CPLX2: variants seen among roughly 807,000 people sequenced by gnomAD.
The protein encoded by CPLX2 is complexin-2.
A neutral mutation model predicts 16.3 loss-of-function variants in CPLX2; 5 were observed. The ratio of observed to expected loss-of-function variants is 0.31; its 90% CI spans 0.16 to 0.64. The LOEUF (loss-of-function observed/expected upper bound fraction) is 0.64. CPLX2 is among the 30% of genes least tolerant of loss of function. The probability of loss-of-function intolerance (pLI) is 0.79; values close to 1 mark genes in which losing one functional copy is unlikely to be tolerated. For missense variants in CPLX2, 144 were observed against 181.4 expected (o/e 0.79, Z 1.18); for synonymous variants, 89 against 73.2 (o/e 1.22, Z -1.10).
chr5:175,870,725 G>A (rs1177340210), upstream of CPLX2, among the ~76,000 whole-genome samples: 1 of 152,240 alleles, frequency 6.6e-6, no homozygotes, highest in African/African-American at 2.4e-5. Flanking sequence ...CTTGGGCATA[G>A]GAGGAAAAGA....
Position 175,820,311 on chromosome 5 carries a change from A to T in CPLX2, c.-89+11243A>T, listed in dbSNP as rs565450889. On this transcript the variant is annotated intron_variant, in intron 2 of 4. Transcript: ENST00000359546. Reference sequence around the variant, plus strand: ...TGAGCCCTTAGTTTACTTGGCACACACTCATTCCTTCCCCCGACACTTCTG... The same window carrying T: ...TGAGCCCTTAGTTTACTTGGCACACTCTCATTCCTTCCCCCGACACTTCTG... 3.3e-5 allele frequency among the ~76,000 whole-genome samples: 5 copies of T among 152,126 alleles called. No individual in the cohort carries two copies. The South Asian group carries it at 1.0e-3, about 32-fold the overall frequency.
At chr5:175,871,401 AGAGAGAGAG>A (rs1304564108), upstream of CPLX2, 1 of 107,932 alleles carries the variant, frequency 9.3e-6, no homozygotes, top group East Asian at 3.5e-4. Context: ...AGGGAGAGAA[AGAGAGAGAG>A]GAGAGAGAGA....
intron 2 of CPLX2, among the ~76,000 whole-genome samples, chr5:175,856,798 G>A (rs899730153): frequency 1.3e-5 from 2 of 152,116 alleles, no homozygotes; most frequent in Admixed American, 6.6e-5. Flanking sequence ...GTGGGGGGTG[G>A]GGAGGACCAG....
chr5:175,817,828 C>G (rs181839953), intron 2 of CPLX2, among the ~76,000 whole-genome samples: 1 of 152,228 alleles, frequency 6.6e-6, no homozygotes, highest in African/African-American at 2.4e-5. Context: ...CAGAGAAACC[C>G]ATCACACATG....
rs1366414083 is a variant in CPLX2, at chr5:175,883,340, A to G, written c.*3295A>G. 6.6e-6 allele frequency: 1 copy of G among 152,318 alleles called. No individual in the cohort carries two copies. Among genetic ancestry groups the G allele is most frequent in the Non-Finnish European group, 1.5e-5 (1 of 68,130 alleles). 9.4% of individuals were successfully genotyped at this position (152,318 alleles called of 1,614,324 possible). A position where few individuals can be genotyped will look rare whatever the true frequency, so the allele number is the denominator to read the frequency against. ...CTCCCAGAAGGTGTCCTTAACTGCA[A>G]AGCTGTGCAGGGTACTCCTCCAGAT... On this transcript the variant is annotated 3_prime_UTR_variant, in exon 4 of 4. Coordinates refer to ENST00000393745, the MANE Select transcript of CPLX2 (RefSeq NM_001008220.2).
In CPLX2 at chr5:175,858,977, T is replaced by A. The variant is rs77510921; in HGVS notation, c.-88-19675T>A. On this transcript the variant is annotated intron_variant, in intron 2 of 4. Coordinates refer to the CPLX2 transcript ENST00000359546. ...GAAACCTTGGTGACACACAGCTCCC[T>A]CTTGCTACCAGAGAAGCCACGTGAT... Among the ~76,000 whole-genome samples the A allele has an allele frequency of 9.2e-4, 140 of 152,274 alleles. 1 individual carries two copies. The highest frequency in any genetic ancestry group is 1.7e-3 in the Non-Finnish European group (116 of 68,020).
intron 2 of CPLX2, among the ~76,000 whole-genome samples, chr5:175,837,049 G>A (rs1419116190): frequency 6.6e-6 from 1 of 152,214 alleles, no homozygotes. Flanking sequence ...GGAGTCAGGG[G>A]GAAAGGAAGC....
intron 2 of CPLX2, among the ~76,000 whole-genome samples, chr5:175,818,396 C>G (rs1476449293): frequency 6.6e-6 from 1 of 152,124 alleles, no homozygotes; most frequent in Non-Finnish European, 1.5e-5. Context: ...GAGCAGAGAC[C>G]CTGTCCCAGG....
At chr5:175,813,993 T>C (rs1285624808) in intron 2 of CPLX2, among the ~76,000 whole-genome samples, 2 of 152,264 alleles carry the variant, frequency 1.3e-5, no homozygotes, top group Non-Finnish European at 2.9e-5. Flanking sequence ...AAGGATCTTA[T>C]GTTCTCTTTC....
intron 2 of CPLX2, among the ~76,000 whole-genome samples, chr5:175,810,672 G>C (rs969536393): frequency 6.6e-6 from 1 of 152,192 alleles, no homozygotes; most frequent in Non-Finnish European, 1.5e-5. Context: ...CTCTAAGCCA[G>C]TTCCCTATCC....
intron 2 of CPLX2, among the ~76,000 whole-genome samples, chr5:175,856,007 A>C (rs1759248818): frequency 6.6e-6 from 1 of 152,204 alleles, no homozygotes; most frequent in African/African-American, 2.4e-5. Context: ...ACCTCATCCT[A>C]CATCCAGCCA....
At chr5:175,865,364 AGGG>A (rs1384715993) in intron 2 of CPLX2, among the ~76,000 whole-genome samples, 13 of 152,292 alleles carry the variant, frequency 8.5e-5, no homozygotes, top group Admixed American at 5.9e-4. Flanking sequence ...CCATAAATGC[AGGG>A]GTTCTGCCGA....
chr5:175,820,031 TCC>T (rs1758477361), intron 2 of CPLX2, among the ~76,000 whole-genome samples: 2 of 152,084 alleles, frequency 1.3e-5, no homozygotes, highest in South Asian at 4.2e-4. Context: ...ACACCAAAAG[TCC>T]CTACAGAGGT....
intron 2 of CPLX2, among the ~76,000 whole-genome samples, chr5:175,864,084 G>A (rs1341284450): frequency 3.3e-5 from 5 of 152,166 alleles, no homozygotes; most frequent in African/African-American, 1.2e-4. Flanking sequence ...GTGTTGGAGA[G>A]AAAGAGGGAA....
chr5:175,853,149 G>GT (rs762193293), intron 2 of CPLX2, among the ~76,000 whole-genome samples: 76 of 152,340 alleles, frequency 5.0e-4, no homozygotes, highest in Middle Eastern at 3.4e-3. Context: ...CCCATGTGAG[G>GT]TTTCTTTTTT....
intron 2 of CPLX2, among the ~76,000 whole-genome samples, chr5:175,860,395 TTC>T (rs1759338794): frequency 6.9e-6 from 1 of 145,844 alleles, no homozygotes. Context: ...TGCTCTCCAG[TTC>T]TGTCTCAAAA....
intron 1 of CPLX2, among the ~76,000 whole-genome samples, chr5:175,801,547 C>G (rs1326337906): frequency 1.3e-5 from 2 of 152,176 alleles, no homozygotes; most frequent in Non-Finnish European, 2.9e-5. Context: ...GGGTTCAAAT[C>G]CCAGCCCTGC....
At position 175,878,646 on chromosome 5, in the gene CPLX2, C is replaced by T; in HGVS notation, c.-88-6C>T. ...CTCCCATCTGACTCCCAATTCTCTT[C>T]TGCAGGTTGTCACATCTTCCCAAGC... On this transcript the variant is annotated splice_polypyrimidine_tract_variant and splice_region_variant and intron_variant, in intron 1 of 3. Coordinates refer to ENST00000393745, the MANE Select transcript of CPLX2 (RefSeq NM_001008220.2). 3 of 1,441,418 alleles carry T rather than the reference C, an allele frequency of 2.1e-6. No individual in the cohort carries two copies. The highest frequency in any genetic ancestry group is 2.9e-6 in the Non-Finnish European group (3 of 1,043,700). 89.3% of individuals were successfully genotyped at this position (1,441,418 alleles called of 1,614,324 possible). A position where few individuals can be genotyped will look rare whatever the true frequency, so the allele number is the denominator to read the frequency against.
Position 175,837,258 on chromosome 5 carries a change from G to A in CPLX2, c.-89+28190G>A, listed in dbSNP as rs1043937293. On this transcript the variant is annotated intron_variant, in intron 2 of 4. Coordinates refer to the CPLX2 transcript ENST00000359546. Reference sequence around the variant, plus strand: ...AAGAAAGGCCTCGGGGCAACCCCACGGGGCGTCTCTGCACGGCTCCCCGCA... The same window carrying A: ...AAGAAAGGCCTCGGGGCAACCCCACAGGGCGTCTCTGCACGGCTCCCCGCA... Among the ~76,000 whole-genome samples the A allele has an allele frequency of 6.6e-5, 10 of 152,264 alleles. No homozygotes were observed. In the South Asian group the frequency reaches 1.5e-3, roughly 22 times the overall value.
Sources: allele counts gnomAD v4.1 joint callset (sites outside exome capture counted in the v4.1 genomes callset), GRCh38; gene constraint gnomAD v4.1.1; transcripts MANE v1.5; gene names NCBI Gene and HGNC (gene_info 2026-07-23, HGNC 2026-07-21).